The following LINGO2 variants were observed in gnomAD, a reference collection of about 807,000 sequenced individuals.
The protein encoded by LINGO2 is leucine rich repeat and Ig domain containing 2.
Under a neutral mutation model 30.6 loss-of-function variants are expected in LINGO2, and 14 were observed. The observed-to-expected ratio is 0.46, with a 90% CI of 0.30 to 0.72. LINGO2 has a LOEUF of 0.72. Among genes scored for constraint, LINGO2 ranks in the 30% least tolerant of loss-of-function variants. LINGO2 has a pLI of 0.07. For missense variants in LINGO2, 729 were observed against 751.7 expected (o/e 0.97, Z 0.35); for synonymous variants, 317 against 288.5 (o/e 1.10, Z -1.00).
chr9:28,821,003 G>A, the LINGO2 span, among the ~76,000 whole-genome samples: 3 of 152,218 alleles, frequency 2.0e-5, no homozygotes, highest in African/African-American at 7.2e-5. Flanking sequence ...ACAATGCACA[G>A]CTTCCTTCAC....
chr9:28,155,903 C>G (rs1587101720), intron 4 of LINGO2, among the ~76,000 whole-genome samples: 1 of 152,156 alleles, frequency 6.6e-6, no homozygotes, highest in African/African-American at 2.4e-5. Context: ...TGTGCCTTCT[C>G]CAGACACTGA....
intron 1 of LINGO2, among the ~76,000 whole-genome samples, chr9:28,621,089 C>A (rs543044280): frequency 6.6e-6 from 1 of 152,138 alleles, no homozygotes; most frequent in African/African-American, 2.4e-5. Flanking sequence ...CTGTTTAGTA[C>A]TTCCATTATT....
At chr9:28,320,930 T>G (rs1825018744) in intron 3 of LINGO2, among the ~76,000 whole-genome samples, 1 of 152,204 alleles carries the variant, frequency 6.6e-6, no homozygotes, top group African/African-American at 2.4e-5. Flanking sequence ...CACAGAAGTA[T>G]AGTATGGTCT....
chr9:28,333,215 AAGGCAGAT>A (rs1473666867), intron 3 of LINGO2, among the ~76,000 whole-genome samples: 1 of 152,200 alleles, frequency 6.6e-6, no homozygotes, highest in African/African-American at 2.4e-5. Flanking sequence ...TTAACAATTG[AAGGCAGAT>A]ACTTACATTT....
chr9:28,732,661 T>C, the LINGO2 span, among the ~76,000 whole-genome samples: 10 of 152,188 alleles, frequency 6.6e-5, no homozygotes, highest in Admixed American at 1.3e-4. Context: ...ATTCAATGCA[T>C]GTATTAAATA....
intron 2 of LINGO2, among the ~76,000 whole-genome samples, chr9:28,386,549 G>A (rs769773359): frequency 3.3e-5 from 5 of 152,110 alleles, no homozygotes; most frequent in African/African-American, 4.8e-5. Flanking sequence ...AGATGACAGA[G>A]TATATAACTC....
At chr9:28,092,691 T>TAAA in intron 4 of LINGO2, among the ~76,000 whole-genome samples, 1 of 151,676 alleles carries the variant, frequency 6.6e-6, no homozygotes, top group South Asian at 2.1e-4. Context: ...GAACTTAAAG[T>TAAA]ATAATAATAA....
chr9:28,886,078 A>G, the LINGO2 span, among the ~76,000 whole-genome samples: 2 of 152,230 alleles, frequency 1.3e-5, no homozygotes, highest in Non-Finnish European at 2.9e-5. Context: ...TGATACAAAT[A>G]AATAGAATAA....
At chr9:28,041,175 C>T (rs1003457484) in intron 4 of LINGO2, among the ~76,000 whole-genome samples, 5 of 152,198 alleles carry the variant, frequency 3.3e-5, no homozygotes, top group Admixed American at 2.6e-4. Context: ...CTGAATCTAG[C>T]ATCTATTCTG....
intron 4 of LINGO2, among the ~76,000 whole-genome samples, chr9:28,202,488 A>C (rs1820271543): frequency 6.6e-6 from 1 of 152,176 alleles, no homozygotes; most frequent in Non-Finnish European, 1.5e-5. Flanking sequence ...ACTTGGAAAC[A>C]AAAGCTCACT....
the LINGO2 span, among the ~76,000 whole-genome samples, chr9:28,944,080 C>G: frequency 6.6e-6 from 1 of 152,282 alleles, no homozygotes; most frequent in East Asian, 1.9e-4. Flanking sequence ...CTGTTTCGCT[C>G]TATAAATTAA....
At chr9:28,346,975 G>A (rs1234436916) in intron 3 of LINGO2, among the ~76,000 whole-genome samples, 8 of 151,858 alleles carry the variant, frequency 5.3e-5, no homozygotes, top group Non-Finnish European at 1.2e-4. Context: ...CCATTCTGTA[G>A]GTTGTCTGTT....
At chr9:28,559,215 C>G (rs1381861004) in intron 1 of LINGO2, among the ~76,000 whole-genome samples, 1 of 152,064 alleles carries the variant, frequency 6.6e-6, no homozygotes, top group Non-Finnish European at 1.5e-5. Flanking sequence ...TAATACTCTC[C>G]AGAGAGGGAC....
At chr9:28,923,910 G>A in the LINGO2 span, among the ~76,000 whole-genome samples, 1 of 152,076 alleles carries the variant, frequency 6.6e-6, no homozygotes, top group East Asian at 1.9e-4. Flanking sequence ...CTCTGTACAG[G>A]AAATAAAAAG....
At chr9:28,617,135 T>C (rs760269018) in intron 1 of LINGO2, among the ~76,000 whole-genome samples, 24 of 152,092 alleles carry the variant, frequency 1.6e-4, no homozygotes, top group Non-Finnish European at 2.1e-4. Context: ...AGTTATAGGA[T>C]TTAGCTAATA....
intron 1 of LINGO2, among the ~76,000 whole-genome samples, chr9:28,646,331 C>A (rs1325237446): frequency 1.3e-5 from 2 of 152,064 alleles, no homozygotes; most frequent in Non-Finnish European, 2.9e-5. Context: ...AGCTAACATG[C>A]TGGGATAGTC....
intron 3 of LINGO2, among the ~76,000 whole-genome samples, chr9:28,308,720 C>G (rs916336656): frequency 3.3e-5 from 5 of 150,798 alleles, no homozygotes; most frequent in South Asian, 2.1e-4. Context: ...ACAATGAACT[C>G]AAACAAATTT....
chr9:28,381,949 TAGC>T (rs911461235), intron 2 of LINGO2, among the ~76,000 whole-genome samples: 4 of 152,104 alleles, frequency 2.6e-5, no homozygotes, highest in Non-Finnish European at 5.9e-5. Flanking sequence ...ACACTTTTAA[TAGC>T]AGCATATTAC....
chr9:28,965,302 C>G, the LINGO2 span, among the ~76,000 whole-genome samples: 2 of 151,944 alleles, frequency 1.3e-5, no homozygotes, highest in Non-Finnish European at 2.9e-5. Flanking sequence ...AACCAGAACA[C>G]TAATATCAAT....
Sources: allele counts gnomAD v4.1 joint callset (sites outside exome capture counted in the v4.1 genomes callset), GRCh38; gene constraint gnomAD v4.1.1; transcripts MANE v1.5; gene names NCBI Gene and HGNC (gene_info 2026-07-23, HGNC 2026-07-21).